The following KCNMA1 variants were observed in gnomAD, a reference collection of about 807,000 sequenced individuals.
KCNMA1 encodes the protein potassium calcium-activated channel subfamily M alpha 1, also known as Calcium-activated potassium channel subunit alpha-1.
A neutral mutation model predicts 140.0 loss-of-function variants in KCNMA1; 29 were observed. That is an observed-to-expected ratio of 0.21 (90% CI 0.15 to 0.28). The LOEUF (loss-of-function observed/expected upper bound fraction) is 0.28. KCNMA1 is among the 10% of genes least tolerant of loss of function. KCNMA1 has a pLI of 1.00. For missense variants in KCNMA1, 880 were observed against 1,602.2 expected, an observed-to-expected ratio of 0.55 and a Z score of 7.70; for synonymous variants, 612 against 611.9, an observed-to-expected ratio of 1.00 and a Z score of 0.00.
chr10:77,555,903 G>C (rs2064199647), intron 1 of KCNMA1, among the ~76,000 whole-genome samples: 1 of 152,150 alleles, frequency 6.6e-6, no homozygotes, highest in Non-Finnish European at 1.5e-5. Flanking sequence ...TGGATGAACT[G>C]TTACATCTTT....
chr10:77,079,068 C>T (rs950350228), intron 13 of KCNMA1, among the ~76,000 whole-genome samples: 1 of 151,940 alleles, frequency 6.6e-6, no homozygotes, highest in Non-Finnish European at 1.5e-5. Context: ...GTTGGGAGTT[C>T]GAGACCATCC....
At chr10:77,578,644 C>T (rs2074988952) in intron 1 of KCNMA1, among the ~76,000 whole-genome samples, 2 of 152,176 alleles carry the variant, frequency 1.3e-5, no homozygotes, top group South Asian at 2.1e-4. Context: ...AGAAAGAGAT[C>T]TCATCTTCCC....
chr10:77,345,950 C>T (rs976423077), intron 2 of KCNMA1, among the ~76,000 whole-genome samples: 1 of 152,174 alleles, frequency 6.6e-6, no homozygotes, highest in Admixed American at 6.5e-5. Context: ...TAGCTCTATC[C>T]CCTTGAGCCA....
chr10:77,550,419 C>T (rs941386123), intron 1 of KCNMA1, among the ~76,000 whole-genome samples: 9 of 152,076 alleles, frequency 5.9e-5, no homozygotes, highest in Non-Finnish European at 1.3e-4. Context: ...CCCAGGGGCC[C>T]TGGCGCTCCC....
chr10:76,903,341 C>G (rs963177567), intron 25 of KCNMA1: 1 of 152,210 alleles, frequency 6.6e-6, no homozygotes, highest in Non-Finnish European at 1.5e-5. Context: ...CTCTGCCTTT[C>G]GTTTATAATT....
intron 2 of KCNMA1, among the ~76,000 whole-genome samples, chr10:77,307,729 TTAG>T (rs981771690): frequency 2.6e-5 from 4 of 152,114 alleles, no homozygotes; most frequent in African/African-American, 9.7e-5. Context: ...TTGTATTTTT[TTAG>T]TAGAGACGGG....
At chr10:76,953,625 G>A (rs1344810978) in intron 21 of KCNMA1, among the ~76,000 whole-genome samples, 176 bp downstream of exon 21, 1 of 152,148 alleles carries the variant, frequency 6.6e-6, no homozygotes, top group Non-Finnish European at 1.5e-5. Flanking sequence ...TCTGAATATT[G>A]CTTATGTTCT....
chr10:77,374,281 T>C (rs2094936245), intron 2 of KCNMA1, among the ~76,000 whole-genome samples: 2 of 152,052 alleles, frequency 1.3e-5, no homozygotes, highest in South Asian at 4.2e-4. Context: ...CCTGAGCTAA[T>C]TTAAGCTAGT....
intron 1 of KCNMA1, among the ~76,000 whole-genome samples, chr10:77,613,992 G>T (rs1234133880): frequency 6.6e-6 from 1 of 152,208 alleles, no homozygotes; most frequent in African/African-American, 2.4e-5. Context: ...CAAGTCATTG[G>T]CAAGAAGGAG....
chr10:77,617,276 A>G (rs554311470), intron 1 of KCNMA1, among the ~76,000 whole-genome samples: 16 of 152,228 alleles, frequency 1.1e-4, no homozygotes, highest in African/African-American at 3.9e-4. Context: ...TGAGCCTTCC[A>G]CTCTCAATGC....
intron 5 of KCNMA1, among the ~76,000 whole-genome samples, chr10:77,178,946 A>T (rs966760396): frequency 6.6e-6 from 1 of 152,200 alleles, no homozygotes; most frequent in South Asian, 2.1e-4. Flanking sequence ...AGGAATTAAA[A>T]TAAGCAGCGT....
In KCNMA1 at chr10:77,293,460, C is replaced by T. The variant is rs948766200; in HGVS notation, c.541-42204G>A. ...TGAGGCCATGGTACAGAAGAGGTAACCATTCATGTGCATGACAGCCCTGAC... is the reference window on the plus strand; with the variant it reads ...TGAGGCCATGGTACAGAAGAGGTAATCATTCATGTGCATGACAGCCCTGAC... On this transcript the variant is annotated intron_variant, in intron 2 of 27. Transcript: ENST00000286628. Among the ~76,000 whole-genome samples, 26 of 152,254 alleles carry T rather than the reference C, an allele frequency of 1.7e-4. 2 individuals are homozygous for T. Among genetic ancestry groups the T allele is most frequent in the South Asian group, 2.1e-4 (1 of 4,822 alleles).
chr10:76,889,623 C>A, intron 26 of KCNMA1, 54 bp from the exon 27 acceptor site: 2 of 1,384,316 alleles, frequency 1.4e-6, no homozygotes, highest in East Asian at 4.6e-5. Context: ...GCCTGAAAAT[C>A]AAGGGACAGC....
intron 3 of KCNMA1, among the ~76,000 whole-genome samples, chr10:77,189,967 C>A (rs2098925742): frequency 1.3e-5 from 2 of 152,184 alleles, no homozygotes; most frequent in South Asian, 4.1e-4. Context: ...AACCTAAACT[C>A]ATTCTACATC....
intron 5 of KCNMA1, among the ~76,000 whole-genome samples, chr10:77,145,559 T>A (rs1302524746): frequency 6.6e-6 from 1 of 152,214 alleles, no homozygotes; most frequent in African/African-American, 2.4e-5. Flanking sequence ...GATCTTCATC[T>A]ACCAATACTG....
chr10:77,547,502 C>T (rs987453303), intron 1 of KCNMA1, among the ~76,000 whole-genome samples: 2 of 152,294 alleles, frequency 1.3e-5, no homozygotes, highest in Non-Finnish European at 2.9e-5. Flanking sequence ...TTTACAGTAA[C>T]CCAAACTCAC....
chr10:76,976,589 C>A (rs1204201049), intron 19 of KCNMA1, among the ~76,000 whole-genome samples: 1 of 152,140 alleles, frequency 6.6e-6, no homozygotes, highest in Non-Finnish European at 1.5e-5. Flanking sequence ...CAACCCCAAT[C>A]TCAAACTATG....
At chr10:77,154,713 C>T (rs113571675) in intron 5 of KCNMA1, among the ~76,000 whole-genome samples, 3 of 152,280 alleles carry the variant, frequency 2.0e-5, no homozygotes, top group African/African-American at 7.2e-5. Context: ...TGGTGCCTGG[C>T]ATTGCTCTGT....
intron 1 of KCNMA1, among the ~76,000 whole-genome samples, chr10:77,524,350 T>C (rs2054729088): frequency 6.6e-6 from 1 of 152,140 alleles, no homozygotes. Flanking sequence ...CAGAAAACTT[T>C]CCATCCCCAC....
Sources: gnomAD v4.1 joint callset for allele counts (sites outside exome capture counted in the v4.1 genomes callset) on GRCh38, gnomAD v4.1.1 for gene constraint, MANE v1.5 for transcripts, NCBI Gene and HGNC (gene_info 2026-07-23, HGNC 2026-07-21) for gene names.